The following RBPJ variants were observed in gnomAD, a reference collection of about 807,000 sequenced individuals.
RBPJ encodes recombining binding protein suppressor of hairless.
RBPJ carries 9 observed loss-of-function variants against 67.8 expected under a neutral mutation model. The observed-to-expected ratio is 0.13, with a 90% CI of 0.08 to 0.23. The LOEUF is 0.23. Among genes scored for constraint, RBPJ ranks in the 10% least tolerant of loss-of-function variants. The pLI, the probability that RBPJ is intolerant of heterozygous loss-of-function variation, is 1.00. For missense variants in RBPJ, 305 were observed against 595.6 expected (o/e 0.51, Z 5.08); for synonymous variants, 198 against 203.3 (o/e 0.97, Z 0.22).
At chr4:26,218,582 T>TC (rs1332891607) in intron 1 of RBPJ, among the ~76,000 whole-genome samples, 2 of 152,314 alleles carry the variant, frequency 1.3e-5, no homozygotes, top group East Asian at 3.9e-4. Flanking sequence ...ACTGTTGTTA[T>TC]TACTGTTGTG....
At chr4:26,290,838 G>C (rs1415697750) in intron 1 of RBPJ, among the ~76,000 whole-genome samples, 1 of 150,506 alleles carries the variant, frequency 6.6e-6, no homozygotes, top group South Asian at 2.1e-4. Context: ...TCTATTAATG[G>C]GTCTCCTCCT....
At chr4:26,327,545 T>A (rs1336325057) in intron 1 of RBPJ, among the ~76,000 whole-genome samples, 1 of 139,110 alleles carries the variant, frequency 7.2e-6, no homozygotes. Context: ...CCTGGAGGTT[T>A]TTTTTTTTTT....
chr4:26,143,007 C>T, the RBPJ span, among the ~76,000 whole-genome samples: 1 of 152,196 alleles, frequency 6.6e-6, no homozygotes, highest in Non-Finnish European at 1.5e-5. Flanking sequence ...GTCTCAAACT[C>T]TTAACCTCAG....
chr4:26,261,891 G>A (rs1036293638), intron 1 of RBPJ, among the ~76,000 whole-genome samples: 1 of 152,184 alleles, frequency 6.6e-6, no homozygotes, highest in Non-Finnish European at 1.5e-5. Flanking sequence ...TTAAATGACT[G>A]TTTAATCTAG....
chr4:26,279,489 G>A (rs972380690), intron 1 of RBPJ, among the ~76,000 whole-genome samples: 5 of 152,028 alleles, frequency 3.3e-5, no homozygotes, highest in African/African-American at 9.7e-5. Context: ...TGTTGGCCAC[G>A]ATGGTCTCAA....
chr4:26,294,245 C>T (rs1393305918), intron 1 of RBPJ, among the ~76,000 whole-genome samples: 1 of 151,896 alleles, frequency 6.6e-6, no homozygotes, highest in Non-Finnish European at 1.5e-5. Context: ...TTACAGGCAC[C>T]TGCCACCATG....
chr4:26,270,355 G>GAGAAA (rs1553855287), intron 1 of RBPJ, among the ~76,000 whole-genome samples: 7 of 52,046 alleles, frequency 1.3e-4, no homozygotes, highest in African/African-American at 6.5e-4. Flanking sequence ...GAGAGAGCAA[G>GAGAAA]AGAAAGAAAG....
intron 1 of RBPJ, among the ~76,000 whole-genome samples, chr4:26,382,426 GC>G (rs1398391760): frequency 6.6e-6 from 1 of 152,250 alleles, no homozygotes; most frequent in African/African-American, 2.4e-5. Flanking sequence ...AGTGCAGGAT[GC>G]ATGTAGTACC....
chr4:26,407,887 T>C (rs202059218), intron 3 of RBPJ, among the ~76,000 whole-genome samples: 16 of 26,762 alleles, frequency 6.0e-4, no homozygotes, highest in Non-Finnish European at 7.9e-4. Context: ...TTCTTTCTTT[T>C]TTTTTTTTTT....
chr4:26,343,090 G>A (rs189066671), intron 1 of RBPJ: 1 of 152,282 alleles, frequency 6.6e-6, no homozygotes, highest in Non-Finnish European at 1.5e-5. Context: ...AGCCTTTATG[G>A]AGCAATGAAA....
chr4:26,397,190 C>T (rs1360236270), intron 2 of RBPJ, among the ~76,000 whole-genome samples: 1 of 152,186 alleles, frequency 6.6e-6, no homozygotes, highest in Non-Finnish European at 1.5e-5. Context: ...TTGAGACACG[C>T]TTCTTTGTAA....
chr4:26,341,596 A>C (rs1560279024), intron 1 of RBPJ, among the ~76,000 whole-genome samples: 1 of 151,896 alleles, frequency 6.6e-6, no homozygotes, highest in Non-Finnish European at 1.5e-5. Context: ...CCTGGGTGAC[A>C]GAGTGAGACT....
chr4:26,406,229 T>G lies in RBPJ; in HGVS notation c.114T>G (p.Leu38=). 6.2e-7 allele frequency: 1 copy of G among 1,612,678 alleles called. No homozygotes were observed. The highest frequency in any genetic ancestry group is 8.5e-7 in the Non-Finnish European group (1 of 1,179,252). Residue 38 remains leucine (L), a synonymous_variant, in exon 3 of 11, where the codon CTT becomes CTG. Coordinates refer to ENST00000355476, the MANE Select transcript of RBPJ (RefSeq NM_015874.6). The part of the protein sequence containing the change: ...KERGDQTVLI[L]HAKVAQKSYG... ...GAGGGGATCAAACAGTACTTATTCT[T>G]CATGCAAAAGTTGCACAGAAGTCAT...
chr4:26,192,615 A>T (rs1717607961), intron 1 of RBPJ, among the ~76,000 whole-genome samples: 1 of 152,184 alleles, frequency 6.6e-6, no homozygotes, highest in Admixed American at 6.5e-5. Flanking sequence ...GGTGGGTCTG[A>T]TTAACATCCC....
chr4:26,119,498 T>G, the RBPJ span, among the ~76,000 whole-genome samples: 1 of 152,214 alleles, frequency 6.6e-6, no homozygotes, highest in Admixed American at 6.5e-5. Context: ...CTTCTCTAAC[T>G]GGATGTGTCA....
intron 1 of RBPJ, among the ~76,000 whole-genome samples, chr4:26,220,348 T>A (rs1475630856): frequency 6.6e-6 from 1 of 152,184 alleles, no homozygotes; most frequent in Non-Finnish European, 1.5e-5. Flanking sequence ...TCATTCTCCC[T>A]AGCAATGTCT....
At chr4:26,349,087 TGC>T (rs201817822) in intron 1 of RBPJ, among the ~76,000 whole-genome samples, 1 of 67,652 alleles carries the variant, frequency 1.5e-5, no homozygotes, top group Non-Finnish European at 3.6e-5. Flanking sequence ...TGTGTGTGTG[TGC>T]GCGCGCGCAC....
rs560856509 is a variant in RBPJ, at chr4:26,236,679, A to G, written c.-167+73065A>G. On this transcript the variant is annotated intron_variant, in intron 1 of 4. Transcript: ENST00000512351. Reference sequence around the variant, plus strand: ...TTCCTAACCTTGGAAATCTCACAGCATCACCTATGTGATAGTGTATTAGTC... The same window carrying G: ...TTCCTAACCTTGGAAATCTCACAGCGTCACCTATGTGATAGTGTATTAGTC... Among the ~76,000 whole-genome samples, 3 of 152,340 alleles carry G rather than the reference A, an allele frequency of 2.0e-5. No homozygotes were observed. In the South Asian group the frequency reaches 6.2e-4, roughly 32 times the overall value.
chr4:26,220,649 A>G (rs920679059), intron 1 of RBPJ, among the ~76,000 whole-genome samples: 1 of 152,152 alleles, frequency 6.6e-6, no homozygotes, highest in Non-Finnish European at 1.5e-5. Context: ...AGACTGAACA[A>G]TCATTCCCTG....
Sources: allele counts gnomAD v4.1 joint callset (sites outside exome capture counted in the v4.1 genomes callset), GRCh38; gene constraint gnomAD v4.1.1; transcripts MANE v1.5; gene names NCBI Gene and HGNC (gene_info 2026-07-23, HGNC 2026-07-21).